Variants in WLS observed in about 807,000 individuals in gnomAD.
WLS encodes protein wntless homolog.
A neutral mutation model predicts 62.8 loss-of-function variants in WLS; 23 were observed. The observed-to-expected ratio is 0.37, with a 90% CI of 0.26 to 0.52. WLS has a LOEUF of 0.52. Ranked by LOEUF, WLS falls within the 20% of genes least tolerant of loss-of-function variation. The pLI, the probability that WLS is intolerant of heterozygous loss-of-function variation, is 0.92. For synonymous variants in WLS, 246 were observed against 244.1 expected, an observed-to-expected ratio of 1.01 and a Z score of -0.07; for missense variants, 615 against 697.3, an observed-to-expected ratio of 0.88 and a Z score of 1.33.
At chr1:68,192,658 T>C (rs935525693) in intron 2 of WLS, among the ~76,000 whole-genome samples, 3 of 149,236 alleles carry the variant, frequency 2.0e-5, no homozygotes, top group African/African-American at 5.0e-5. Flanking sequence ...GGTGGGAGGA[T>C]AGCTTGAACC....
intron 2 of WLS, chr1:68,186,670 G>C (rs1324222744): frequency 2.6e-5 from 12 of 455,910 alleles, no homozygotes; most frequent in African/African-American, 2.2e-4. Flanking sequence ...GGAATCCAAA[G>C]TAATGATAAA....
chr1:68,178,208 G>A (rs989055335), intron 2 of WLS, among the ~76,000 whole-genome samples: 4 of 152,134 alleles, frequency 2.6e-5, no homozygotes, highest in Non-Finnish European at 5.9e-5. Flanking sequence ...TTTTCCGTGA[G>A]TTAATCATTT....
At chr1:68,106,553 A>C (rs1052920190) in intron 11 of WLS, among the ~76,000 whole-genome samples, 1 of 152,230 alleles carries the variant, frequency 6.6e-6, no homozygotes, top group South Asian at 2.1e-4. Flanking sequence ...TCAAAATTCC[A>C]TTCCAGAAAC....
chr1:68,137,972 A>G (rs1646635104), intron 10 of WLS, 39 bp from the exon 11 acceptor site: 2 of 1,608,418 alleles, frequency 1.2e-6, no homozygotes, highest in African/African-American at 2.7e-5. Flanking sequence ...TGAAACAGAG[A>G]AGAAACAGAA....
At chr1:68,119,106 T>C (rs746814659) in intron 11 of WLS, among the ~76,000 whole-genome samples, 8 of 152,120 alleles carry the variant, frequency 5.3e-5, no homozygotes, top group Non-Finnish European at 1.2e-4. Context: ...TTATGAACCA[T>C]CCTTTTTAGA....
chr1:68,220,031 A>C (rs957094858), intron 1 of WLS, among the ~76,000 whole-genome samples: 2 of 152,216 alleles, frequency 1.3e-5, no homozygotes, highest in Admixed American at 6.5e-5. Flanking sequence ...ACCTGGGCTT[A>C]TCTATGCTCT....
At chr1:68,152,573 T>A (rs1013259183) in intron 5 of WLS, among the ~76,000 whole-genome samples, 3 of 152,178 alleles carry the variant, frequency 2.0e-5, no homozygotes, top group African/African-American at 7.2e-5. Flanking sequence ...ACCTTTGGAT[T>A]TGGACTATGA....
chr1:68,145,154 T>A (rs1193879161), intron 9 of WLS, among the ~76,000 whole-genome samples: 1 of 152,202 alleles, frequency 6.6e-6, no homozygotes, highest in Non-Finnish European at 1.5e-5. Flanking sequence ...AACCTGTGTT[T>A]CAGAGAGGGA....
chr1:68,115,668 T>C (rs1250845565), intron 11 of WLS, among the ~76,000 whole-genome samples: 1 of 152,200 alleles, frequency 6.6e-6, no homozygotes, highest in Non-Finnish European at 1.5e-5. Context: ...TTGTTGTTGC[T>C]TGGACATTTG....
intron 11 of WLS, among the ~76,000 whole-genome samples, chr1:68,133,239 A>T (rs1330803902): frequency 6.6e-6 from 1 of 152,226 alleles, no homozygotes; most frequent in Non-Finnish European, 1.5e-5. Flanking sequence ...TAAAATGATT[A>T]ATGTGAATGA....
intron 1 of WLS, among the ~76,000 whole-genome samples, chr1:68,207,265 T>C (rs1649318685): frequency 6.6e-6 from 1 of 152,216 alleles, no homozygotes; most frequent in Non-Finnish European, 1.5e-5. Flanking sequence ...GTCTGAATAC[T>C]CACAGCCTAA....
intron 11 of WLS, among the ~76,000 whole-genome samples, chr1:68,118,963 C>T (rs922433142): frequency 4.8e-5 from 7 of 146,836 alleles, no homozygotes; most frequent in African/African-American, 1.8e-4. Context: ...TGATCTTTAA[C>T]CCAGTAGTTC....
chr1:68,181,935 T>C (rs1285880648), intron 2 of WLS, among the ~76,000 whole-genome samples: 1 of 152,194 alleles, frequency 6.6e-6, no homozygotes, highest in Non-Finnish European at 1.5e-5. Flanking sequence ...TGGTTGATGA[T>C]TGTTAGACCA....
chr1:68,121,285 AGG>A (rs1646361112), downstream of WLS: 1 of 152,154 alleles, frequency 6.6e-6, no homozygotes, highest in African/African-American at 2.4e-5. Flanking sequence ...TGTCTGGAGG[AGG>A]GGTTCAGGAG....
intron 2 of WLS, among the ~76,000 whole-genome samples, chr1:68,160,071 CTTTTT>C (rs58448910): frequency 4.8e-4 from 45 of 93,574 alleles, no homozygotes; most frequent in African/African-American, 1.4e-3. Flanking sequence ...GCAGAGAAGT[CTTTTT>C]TTTTTTTTTT....
In WLS at chr1:68,144,613, A is replaced by C. The variant is rs1341195155; in HGVS notation, c.1318T>G (p.Leu440Val). The C allele has an allele frequency of 6.2e-7, 1 of 1,613,800 alleles. No homozygotes were observed. The highest frequency in any genetic ancestry group is 8.5e-7 in the Non-Finnish European group (1 of 1,179,748). The stretch of plus-strand genomic sequence containing the variant: ...ATGACAGTCATGGCAGCGCAGGCCA[A>C]GGTGATAAGCATGAGGAACTTGAAC... ...FRFKFLMLITLACAAMTVIFF... is the reference protein window; with the variant it reads ...FRFKFLMLITVACAAMTVIFF... The change falls in exon 10 of 12, where the codon TTG becomes GTG. Residue 440 changes from leucine (L) to valine (V), a missense_variant. By Grantham distance (32) the Leu-to-Val change is conservative (BLOSUM62 1). Transcript: ENST00000262348.
At chr1:68,124,516 C>T (rs1646400995), downstream of WLS, among the ~76,000 whole-genome samples, 3 of 150,692 alleles carry the variant, frequency 2.0e-5, no homozygotes, top group Non-Finnish European at 4.4e-5. Flanking sequence ...ATCTAAAGTC[C>T]TTTTCCTAAC....
intron 11 of WLS, among the ~76,000 whole-genome samples, chr1:68,136,523 C>G (rs538203752): frequency 2.0e-5 from 3 of 152,178 alleles, no homozygotes; most frequent in Non-Finnish European, 2.9e-5. Flanking sequence ...TACCACCCCC[C>G]GCTTTGTAAA....
intron 10 of WLS, among the ~76,000 whole-genome samples, chr1:68,143,684 A>G (rs1646716443): frequency 6.6e-6 from 1 of 152,190 alleles, no homozygotes; most frequent in Non-Finnish European, 1.5e-5. Context: ...TATACCATCT[A>G]GGTTTGTGTA....
Sources: allele counts gnomAD v4.1 joint callset (sites outside exome capture counted in the v4.1 genomes callset), GRCh38; gene constraint gnomAD v4.1.1; transcripts MANE v1.5; gene names NCBI Gene and HGNC (gene_info 2026-07-23, HGNC 2026-07-21).